TP53BP1: variants seen among roughly 807,000 people sequenced by gnomAD.
TP53BP1 encodes TP53-binding protein 1.
TP53BP1 carries 61 observed loss-of-function variants against 200.8 expected under a neutral mutation model. The ratio of observed to expected loss-of-function variants is 0.30; its 90% CI spans 0.25 to 0.38. The LOEUF is 0.38. Among genes scored for constraint, TP53BP1 ranks in the 10% least tolerant of loss-of-function variants. TP53BP1 has a pLI of 1.00. For synonymous variants in TP53BP1, 822 were observed against 844.3 expected (o/e 0.97, Z 0.46); for missense variants, 2,144 against 2,371.9 (o/e 0.90, Z 2.00).
intron 23 of TP53BP1, 71 bp from the exon 24 acceptor site, chr15:43,413,405 A>C: frequency 7.7e-7 from 1 of 1,290,406 alleles, no homozygotes; most frequent in Non-Finnish European, 1.1e-6. Context: ...TAACACCAAA[A>C]GGCCCCAGCA....
chr15:43,501,630 A>G (rs2079209883), intron 1 of TP53BP1, among the ~76,000 whole-genome samples: 1 of 152,202 alleles, frequency 6.6e-6, no homozygotes, highest in African/African-American at 2.4e-5. Context: ...GTCAATCCCC[A>G]TTCCACAAGG....
intron 17 of TP53BP1, among the ~76,000 whole-genome samples, chr15:43,428,736 T>C (rs962505833): frequency 6.6e-6 from 1 of 152,228 alleles, no homozygotes; most frequent in Non-Finnish European, 1.5e-5. Flanking sequence ...GAACAGATTA[T>C]GACTAAAGAG....
At chr15:43,446,725 C>G (rs936119228) in intron 13 of TP53BP1, 135 bp from the exon 14 acceptor site, 16 of 1,521,416 alleles carry the variant, frequency 1.1e-5, no homozygotes, top group East Asian at 2.4e-5. Context: ...TAGGATAGAT[C>G]CCTGTCATAA....
intron 17 of TP53BP1, 112 bp downstream of exon 17, chr15:43,432,082 T>C: frequency 3.5e-6 from 5 of 1,441,360 alleles, no homozygotes; most frequent in Non-Finnish European, 4.7e-6. Context: ...ACCACTGTTC[T>C]GTACAAAACT....
At position 43,456,019 on chromosome 15, in the gene TP53BP1, T is replaced by G. The variant is rs374365880; in HGVS notation, c.2589A>C (p.Lys863Asn). ...AGTCTTCTGTTAATGAATTACTTGTTTTCTCCTGAGTTTGGGGCTGCTGCA... is the reference window on the plus strand; with the variant it reads ...AGTCTTCTGTTAATGAATTACTTGTGTTCTCCTGAGTTTGGGGCTGCTGCA... The part of the protein sequence containing the change: ...QELQQPQTQE[K>N]TSNSLTEDSK... The change falls in exon 12 of 28, where the codon AAA (lysine) becomes AAC (asparagine). Residue 863 changes from lysine to asparagine, a missense_variant. Physicochemically the swap from Lys to Asn is moderately conservative, Grantham distance 94. This residue lies in a region of TP53BP1 where 1,700 missense variants were observed against 1,710.3 expected (regional missense o/e 0.99). Transcript: ENST00000382044. The G allele has an allele frequency of 1.9e-6, 3 of 1,614,066 alleles. No individual in the cohort carries two copies. In the Admixed American group the frequency reaches 5.0e-5, roughly 27 times the overall value.
At chr15:43,499,250 C>T (rs1254048583) in intron 1 of TP53BP1, among the ~76,000 whole-genome samples, 1 of 152,022 alleles carries the variant, frequency 6.6e-6, no homozygotes, top group African/African-American at 2.4e-5. Context: ...GAACAACAGA[C>T]TCTGGGGCCT....
chr15:43,457,889 C>T (rs1486024432), intron 11 of TP53BP1, among the ~76,000 whole-genome samples: 2 of 151,070 alleles, frequency 1.3e-5, no homozygotes, highest in Non-Finnish European at 3.0e-5. Flanking sequence ...TGGGGTGGTG[C>T]ATGGCTGTAA....
Position 43,422,088 on chromosome 15 carries a change from T to C in TP53BP1, c.3867A>G (p.Glu1289=). 6.2e-7 allele frequency: 1 copy of C among 1,614,130 alleles called. No homozygotes were observed. Among genetic ancestry groups the C allele is most frequent in the African/African-American group, 1.3e-5 (1 of 75,018 alleles). ...CAGTCTGTGAAGGGGAAACTTCAGTTTCACACTCCTGACACTCTACAATTG... is the reference window on the plus strand; with the variant it reads ...CAGTCTGTGAAGGGGAAACTTCAGTCTCACACTCCTGACACTCTACAATTG... The part of the protein sequence containing the change: ...EEPIVECQEC[E]TEVSPSQTGG... Residue 1289 remains glutamate, a synonymous_variant, in exon 19 of 28, where the codon GAA becomes GAG. Coordinates refer to ENST00000382044, the MANE Select transcript of TP53BP1 (RefSeq NM_001141980.3).
At chr15:43,450,973 C>A (rs964096347) in intron 12 of TP53BP1, among the ~76,000 whole-genome samples, 11 of 152,140 alleles carry the variant, frequency 7.2e-5, no homozygotes, top group Non-Finnish European at 1.6e-4. Context: ...CTCCCGAGTT[C>A]AAGTGATTCT....
intron 1 of TP53BP1, among the ~76,000 whole-genome samples, chr15:43,498,222 A>G (rs1204103895): frequency 1.3e-5 from 2 of 152,244 alleles, no homozygotes; most frequent in Non-Finnish European, 2.9e-5. Flanking sequence ...AACTCATAAT[A>G]TGGTGAAAGA....
At chr15:43,475,978 A>C (rs1489604941) in intron 8 of TP53BP1, among the ~76,000 whole-genome samples, 2 of 152,184 alleles carry the variant, frequency 1.3e-5, no homozygotes, top group Non-Finnish European at 2.9e-5. Context: ...AAAAGCCAGA[A>C]TCCTGGATGG....
At position 43,416,369 on chromosome 15, in the gene TP53BP1, T is replaced by C. The variant is rs1029404954; in HGVS notation, c.4729A>G (p.Ile1577Val). 3 of 1,614,114 alleles carry C rather than the reference T, an allele frequency of 1.9e-6. No homozygotes were observed. The African/African-American group carries it at 4.0e-5, about 22-fold the overall frequency. The change falls in exon 22 of 28, where the codon ATT becomes GTT. Residue 1577 changes from isoleucine (I) to valine (V), a missense_variant. Ile to Val is a conservative substitution (Grantham distance 29). Transcript: ENST00000382044. Reference protein sequence around the residue: ...RKESGELYYSIEKEGQRKWYK... With the variant: ...RKESGELYYSVEKEGQRKWYK... The stretch of plus-strand genomic sequence containing the variant: ...CACTTTCTTTGGCCTTCTTTTTCAA[T>C]GCTGTAGTACAGTTCCCCAGACTCC...
intron 1 of TP53BP1, among the ~76,000 whole-genome samples, chr15:43,507,945 G>A (rs1471948170): frequency 2.0e-5 from 3 of 151,910 alleles, no homozygotes; most frequent in Admixed American, 2.0e-4. Flanking sequence ...GAACTTCTGG[G>A]CTCAAGCAAT....
intron 4 of TP53BP1, among the ~76,000 whole-genome samples, chr15:43,489,922 T>G (rs1228134892): frequency 6.6e-6 from 1 of 151,938 alleles, no homozygotes; most frequent in East Asian, 1.9e-4. Context: ...CAAAAAAGCT[T>G]TTCTTTTTGA....
chr15:43,492,227 G>C, intron 2 of TP53BP1, 57 bp downstream of exon 2: 1 of 1,532,460 alleles, frequency 6.5e-7, no homozygotes, highest in Non-Finnish European at 8.8e-7. Context: ...ATGTTTGCTG[G>C]TTTTCGGTTT....
rs192057034 is a variant in TP53BP1 at position 43,406,291 on chromosome 15, T to C, written c.*1092A>G. 1 of 223,542 alleles carries C rather than the reference T, an allele frequency of 4.5e-6. No homozygotes were observed. The highest frequency in any genetic ancestry group is 9.0e-6 in the Non-Finnish European group (1 of 110,644). The allele number at this position is 223,542 out of a possible 1,614,324, so 13.8% of individuals were successfully genotyped here. A position where few individuals can be genotyped will look rare whatever the true frequency, so the allele number is the denominator to read the frequency against. On this transcript the variant is annotated 3_prime_UTR_variant, in exon 28 of 28. Transcript: ENST00000382044. ...TCCAAACTGAAAAAGAATGCAGTGT[T>C]CTGGCATCAGGTTATAGTCACTGCA...
At chr15:43,418,175 GT>G (rs373068566) in intron 21 of TP53BP1, among the ~76,000 whole-genome samples, 43 of 96,954 alleles carry the variant, frequency 4.4e-4, no homozygotes, top group African/African-American at 1.6e-3. Context: ...GCAAGGCTCT[GT>G]TTTTAAAAAA....
rs750702345 is a variant in TP53BP1 at position 43,456,388 on chromosome 15, G to A, written c.2220C>T (p.Asp740=). The A allele has an allele frequency of 1.2e-6, 2 of 1,604,096 alleles. No homozygotes were observed. Among genetic ancestry groups the A allele is most frequent in the Non-Finnish European group, 1.7e-6 (2 of 1,176,858 alleles). Reference sequence around the variant, plus strand: ...CCTGTTCCTTATGTTCCAATTCTTGGTCAAGTATTGCCAACTTTTGAGGGG... The same window carrying A: ...CCTGTTCCTTATGTTCCAATTCTTGATCAAGTATTGCCAACTTTTGAGGGG... ...IDSPQKLAIL[D]QELEHKEQEA... is the part of the protein sequence containing the mutation. Residue 740 remains aspartate (D), a synonymous_variant, in exon 12 of 28, where the codon GAC becomes GAT. Coordinates refer to ENST00000382044, the MANE Select transcript of TP53BP1 (RefSeq NM_001141980.3).
At chr15:43,442,428 C>T (rs566023564) in intron 14 of TP53BP1, among the ~76,000 whole-genome samples, 6 of 151,966 alleles carry the variant, frequency 3.9e-5, no homozygotes, top group Non-Finnish European at 8.8e-5. Flanking sequence ...TTCTCACTTC[C>T]ACCAATCAAT....
Sources: gnomAD v4.1 joint callset for allele counts (sites outside exome capture counted in the v4.1 genomes callset) on GRCh38, gnomAD v4.1.1 for gene constraint, gnomAD v4.1.1 regional missense constraint, MANE v1.5 for transcripts, NCBI Gene and HGNC (gene_info 2026-07-23, HGNC 2026-07-21) for gene names.